Variants in SALL2 observed in about 807,000 individuals in gnomAD.
SALL2 encodes the protein sal-like protein 2.
In SALL2, 32 loss-of-function variants were observed where a neutral mutation model predicts 58.5. That is an observed-to-expected ratio of 0.55 (90% CI 0.41 to 0.74). The LOEUF is 0.74. Ranked by LOEUF, SALL2 falls within the 30% of genes least tolerant of loss-of-function variation. The probability of loss-of-function intolerance (pLI) is 0.00; values close to 1 mark genes in which losing one functional copy is unlikely to be tolerated. For synonymous variants in SALL2, 516 were observed against 513.6 expected (o/e 1.00, Z -0.06); for missense variants, 1,201 against 1,268.9 (o/e 0.95, Z 0.81).
Position 21,523,066 on chromosome 14 carries a change from C to G in SALL2, c.2656G>C (p.Val886Leu), listed in dbSNP as rs142127241. 1.2e-6 allele frequency: 2 copies of G among 1,614,114 alleles called. No homozygotes were observed. The highest frequency in any genetic ancestry group is 1.7e-5 in the Admixed American group (1 of 60,018). ...AGGCTCAGCTCCTCTACCAAGGTCACGCTGGTGGCTTCCCCTTCTGGGGTG... is the reference window on the plus strand; with the variant it reads ...AGGCTCAGCTCCTCTACCAAGGTCAGGCTGGTGGCTTCCCCTTCTGGGGTG... ...ALTPEGEATS[V>L]TLVEELSLQE... The change falls in exon 2 of 2, where the codon GTG becomes CTG. Residue 886 changes from valine to leucine, a missense_variant. Transcript: ENST00000537235. This position sits in a 1 kb window ranked among gnomAD's most constrained non-coding sequence, Gnocchi z 4.4.
chr14:21,531,908 T>G (rs1351968704), intron 1 of SALL2, among the ~76,000 whole-genome samples: 1 of 151,884 alleles, frequency 6.6e-6, no homozygotes, highest in African/African-American at 2.4e-5. Flanking sequence ...TTTTGTATTT[T>G]TAGTAGAGAT....
In SALL2 at chr14:21,524,738, T is replaced by G. The variant is rs1345928612; in HGVS notation, c.984A>C (p.Ala328=). Residue 328 remains alanine, a synonymous_variant, in exon 2 of 2, where the codon GCA becomes GCC. Transcript: ENST00000537235. ...GGCCTCGGGCTGCCCCAAGACACTG[T>G]GCTGCCAGTAGTCCCGTGGTGCTTG... The part of the protein sequence containing the change: ...AFPSTTGLLA[A]QCLGAARGLE... 6.2e-7 allele frequency: 1 copy of G among 1,611,654 alleles called. No homozygotes were observed. Among genetic ancestry groups the G allele is most frequent in the Non-Finnish European group, 8.5e-7 (1 of 1,178,778 alleles).
chr14:21,536,370 G>C (rs1183176067), intron 1 of SALL2, among the ~76,000 whole-genome samples: 16 of 152,092 alleles, frequency 1.1e-4, no homozygotes, highest in African/African-American at 3.9e-4. Flanking sequence ...AGCTCTGATC[G>C]GCTCTCAGTT....
At chr14:21,532,459 A>G (rs552291345) in intron 1 of SALL2, among the ~76,000 whole-genome samples, 1 of 145,860 alleles carries the variant, frequency 6.9e-6, no homozygotes, top group Admixed American at 6.9e-5. Context: ...AAAATGGTAA[A>G]TTTTATTACA....
At chr14:21,536,500 G>T (rs1306808078) in intron 1 of SALL2, among the ~76,000 whole-genome samples, 1 of 152,202 alleles carries the variant, frequency 6.6e-6, no homozygotes, top group African/African-American at 2.4e-5. Flanking sequence ...CCACCCCGAA[G>T]AGACGGTCTT....
Position 21,525,956 on chromosome 14 carries a change from T to A in SALL2, c.67+105A>T, listed in dbSNP as rs956057251. ...CGGAATAGGTGTGGGGACAGGGGCCTACGCAGAGAATCATGCATTTTCTCC... is the reference window on the plus strand; with the variant it reads ...CGGAATAGGTGTGGGGACAGGGGCCAACGCAGAGAATCATGCATTTTCTCC... On this transcript the variant is annotated intron_variant, in intron 1 of 1. Transcript: ENST00000537235. This position sits in a 1 kb window ranked among gnomAD's most constrained non-coding sequence, Gnocchi z 4.4. The A allele has an allele frequency of 1.5e-5, 17 of 1,119,456 alleles. No individual in the cohort carries two copies. The highest frequency in any genetic ancestry group is 2.2e-5 in the Non-Finnish European group (17 of 770,134). 69.3% of individuals were successfully genotyped at this position (1,119,456 alleles called of 1,614,324 possible).
chr14:21,522,687 G>C lies in SALL2; in HGVS notation c.*17C>G. 1 of 1,514,200 alleles carries C rather than the reference G, an allele frequency of 6.6e-7. No homozygotes were observed. Among genetic ancestry groups the C allele is most frequent in the Non-Finnish European group, 8.8e-7 (1 of 1,132,254 alleles). The allele number at this position is 1,514,200 out of a possible 1,614,324, so 93.8% of individuals were successfully genotyped here. ...CTGCTCTGTGGGACAAAGAGCAGCA[G>C]GTACAGAAAAACAGGCTCATGGGAT... On this transcript the variant is annotated 3_prime_UTR_variant, in exon 2 of 2. Transcript: ENST00000537235.
At chr14:21,536,755 TG>T in intron 1 of SALL2, 1 of 958,034 alleles carries the variant, frequency 1.0e-6, no homozygotes, top group Non-Finnish European at 1.6e-6. Flanking sequence ...CGCCCCCGCC[TG>T]GTTTCGCCCA....
chr14:21,525,741 G>A lies in SALL2; in HGVS notation c.68-87C>T. ...CTAATTAACAAGGAGGCCAGTAACC[G>A]CTAGTTGGGGGTGGGGAGATGAGCT... On this transcript the variant is annotated intron_variant, in intron 1 of 1. Transcript: ENST00000537235. The surrounding 1 kb of genome is among the most constrained non-coding windows in gnomAD (Gnocchi z 4.4). 1.4e-6 allele frequency: 2 copies of A among 1,407,488 alleles called. No individual in the cohort carries two copies. The highest frequency in any genetic ancestry group is 1.9e-6 in the Non-Finnish European group (2 of 1,050,552). The allele number at this position is 1,407,488 out of a possible 1,614,324, so 87.2% of individuals were successfully genotyped here.
At position 21,523,342 on chromosome 14, in the gene SALL2, T is replaced by G; in HGVS notation, c.2380A>C (p.Ile794Leu). 1 of 1,613,726 alleles carries G rather than the reference T, an allele frequency of 6.2e-7. No homozygotes were observed. The highest frequency in any genetic ancestry group is 1.1e-5 in the South Asian group (1 of 91,078). The change falls in exon 2 of 2, where the codon ATA becomes CTA. Residue 794 changes from isoleucine to leucine, a missense_variant. Around this residue, in one of 3 missense-constraint regions of SALL2, gnomAD observed 675 missense variants for 683.8 expected, o/e 0.99. Coordinates refer to ENST00000537235, the MANE Select transcript of SALL2 (RefSeq NM_001364564.1). This position sits in a 1 kb window ranked among gnomAD's most constrained non-coding sequence, Gnocchi z 4.4. ...RGSESGGEKA[I>L]SVRGDSEEAS... is the part of the protein sequence containing the mutation. Reference sequence around the variant, plus strand: ...TCTTCTGAATCACCTCTCACTGATATTGCCTTCTCACCTCCACTCTCTGAG... The same window carrying G: ...TCTTCTGAATCACCTCTCACTGATAGTGCCTTCTCACCTCCACTCTCTGAG...
chr14:21,522,381 T>C lies in SALL2; in HGVS notation c.*323A>G. ...CCAAATGTAGGTGCTCAGGTGCACC[T>C]ACCAAAGGGAAAGGGAGAGGAGAGA... On this transcript the variant is annotated 3_prime_UTR_variant, in exon 2 of 2. Coordinates refer to ENST00000537235, the MANE Select transcript of SALL2 (RefSeq NM_001364564.1). 6 of 1,428,488 alleles carry C rather than the reference T, an allele frequency of 4.2e-6. No individual in the cohort carries two copies. Among genetic ancestry groups the C allele is most frequent in the Non-Finnish European group, 5.5e-6 (6 of 1,094,422 alleles). 88.5% of individuals were successfully genotyped at this position (1,428,488 alleles called of 1,614,324 possible).
At chr14:21,528,975 G>A (rs1892392508), upstream of SALL2, among the ~76,000 whole-genome samples, 1 of 152,154 alleles carries the variant, frequency 6.6e-6, no homozygotes, top group Admixed American at 6.6e-5. Context: ...CTTCTCCTGG[G>A]AAACACTGTC....
chr14:21,524,716 C>T lies in SALL2; in HGVS notation c.1006G>A (p.Gly336Ser). Residue 336 changes from glycine to serine, a missense_variant, in exon 2 of 2, where the codon GGC (glycine) becomes AGC (serine). Around this residue, in one of 3 missense-constraint regions of SALL2, gnomAD observed 467 missense variants for 468.9 expected, o/e 1.00. Transcript: ENST00000537235. ...LAAQCLGAAR[G>S]LEATASPGLL... Reference sequence around the variant, plus strand: ...CCTGGGGAGGCAGTGGCCTCAAGGCCTCGGGCTGCCCCAAGACACTGTGCT... The same window carrying T: ...CCTGGGGAGGCAGTGGCCTCAAGGCTTCGGGCTGCCCCAAGACACTGTGCT... 2 of 1,613,430 alleles carry T rather than the reference C, an allele frequency of 1.2e-6. No homozygotes were observed. The highest frequency in any genetic ancestry group is 1.7e-5 in the Admixed American group (1 of 59,954).
chr14:21,535,208 G>A (rs139025509), intron 1 of SALL2, among the ~76,000 whole-genome samples: 14 of 152,150 alleles, frequency 9.2e-5, no homozygotes, highest in Middle Eastern at 3.4e-3. Context: ...AGCCCGGCGT[G>A]GTGGCAGGCG....
At position 21,523,737 on chromosome 14, in the gene SALL2, C is replaced by T; in HGVS notation, c.1985G>A (p.Cys662Tyr). 5 of 1,614,196 alleles carry T rather than the reference C, an allele frequency of 3.1e-6. No individual in the cohort carries two copies. Among genetic ancestry groups the T allele is most frequent in the East Asian group, 4.5e-5 (2 of 44,878 alleles). ...ACCCCTGGTGGAGAAGGCTCTGCCA[C>T]ACACTTTGCATTTGAAGGGCCTCTC... ...GGERPFKCKVCGRAFSTRGNL... is the reference protein window; with the variant it reads ...GGERPFKCKVYGRAFSTRGNL... Residue 662 changes from cysteine to tyrosine, a missense_variant, in exon 2 of 2, where the codon TGT becomes TAT. Transcript: ENST00000537235. This position sits in a 1 kb window ranked among gnomAD's most constrained non-coding sequence, Gnocchi z 4.4.
upstream of SALL2, among the ~76,000 whole-genome samples, chr14:21,530,651 T>G (rs1892438537): frequency 6.6e-6 from 1 of 152,134 alleles, no homozygotes; most frequent in Non-Finnish European, 1.5e-5. Flanking sequence ...ATCCACCCAT[T>G]AAGGCTGGAG....
At chr14:21,535,117 G>A (rs142616280) in intron 1 of SALL2, among the ~76,000 whole-genome samples, 2,430 of 152,106 alleles carry the variant, frequency 0.016, 72 homozygotes, top group African/African-American at 0.054. Context: ...AGGCCAAGGC[G>A]GGCAGATTAC....
chr14:21,529,215 T>C (rs563335353), upstream of SALL2, among the ~76,000 whole-genome samples: 100 of 152,254 alleles, frequency 6.6e-4, no homozygotes, highest in African/African-American at 2.3e-3. Flanking sequence ...AAACTGGTAA[T>C]GGTGTCCCTA....
In SALL2 at chr14:21,522,525, C is replaced by T; in HGVS notation, c.*179G>A. 1 of 1,385,282 alleles carries T rather than the reference C, an allele frequency of 7.2e-7. No individual in the cohort carries two copies. Among genetic ancestry groups the T allele is most frequent in the East Asian group, 2.6e-5 (1 of 38,518 alleles). 85.8% of individuals were successfully genotyped at this position (1,385,282 alleles called of 1,614,324 possible). ...GAGGGAAGAAAAATTCCTTAGGGGG[C>T]CATCCCCTTGTAAGCACAGTAATTT... is the stretch of plus-strand genomic sequence containing the variant. On this transcript the variant is annotated 3_prime_UTR_variant, in exon 2 of 2. Coordinates refer to ENST00000537235, the MANE Select transcript of SALL2 (RefSeq NM_001364564.1).
Sources: allele counts gnomAD v4.1 joint callset (sites outside exome capture counted in the v4.1 genomes callset), GRCh38; gene constraint gnomAD v4.1.1; regional missense constraint gnomAD v4.1.1; non-coding constraint Gnocchi (gnomAD v3.1); transcripts MANE v1.5; gene names NCBI Gene and HGNC (gene_info 2026-07-23, HGNC 2026-07-21).